Variants in GLI2 observed in about 807,000 individuals in gnomAD.
GLI2 encodes GLI family zinc finger 2.
Under a neutral mutation model 78.9 loss-of-function variants are expected in GLI2, and 22 were observed. That is an observed-to-expected ratio of 0.28 (90% CI 0.20 to 0.40). The LOEUF (loss-of-function observed/expected upper bound fraction) is 0.40. GLI2 is among the 10% of genes least tolerant of loss of function. The pLI is 1.00. For synonymous variants in GLI2, 974 were observed against 963.7 expected (o/e 1.01, Z -0.20); for missense variants, 2,097 against 2,213.2 (o/e 0.95, Z 1.05).
At chr2:120,873,557 G>C (rs1160202947) in intron 2 of GLI2, among the ~76,000 whole-genome samples, 1 of 152,232 alleles carries the variant, frequency 6.6e-6, no homozygotes, top group Non-Finnish European at 1.5e-5. Flanking sequence ...CAAGAGAGAA[G>C]AAGAGTGAAA....
At chr2:120,945,164 A>G (rs971227052) in intron 3 of GLI2, among the ~76,000 whole-genome samples, 2 of 152,254 alleles carry the variant, frequency 1.3e-5, no homozygotes, top group African/African-American at 4.8e-5. Flanking sequence ...AATCACAGTC[A>G]GCAGGCCAGA....
chr2:120,748,700 A>T (rs928365889), intron 1 of GLI2, among the ~76,000 whole-genome samples: 2 of 152,204 alleles, frequency 1.3e-5, no homozygotes, highest in African/African-American at 4.8e-5. Context: ...ATTGATCATC[A>T]GCTTTGCCTT....
rs755928574 is a variant in GLI2 at position 120,972,035 on chromosome 2, G to A, written c.1154G>A (p.Arg385Gln). 3 of 1,613,302 alleles carry A rather than the reference G, an allele frequency of 1.9e-6. No homozygotes were observed. The highest frequency in any genetic ancestry group is 1.1e-5 in the South Asian group (1 of 91,076). Reference sequence around the variant, plus strand: ...GTCAAGACCGAGCCTGAGGGCCTGCGGCCGGCCTCCCCTCTGGCGCTGACG... The same window carrying A: ...GTCAAGACCGAGCCTGAGGGCCTGCAGCCGGCCTCCCCTCTGGCGCTGACG... ...SKVKTEPEGL[R>Q]PASPLALTQE... The change falls in exon 8 of 14, where the codon CGG becomes CAG. Residue 385 changes from arginine to glutamine, a missense_variant. By Grantham distance (43) the Arg-to-Gln change is conservative. Around this residue, in one of 5 missense-constraint regions of GLI2, gnomAD observed 578 missense variants for 612.0 expected, o/e 0.94. Transcript: ENST00000361492.
chr2:120,973,879 G>A (rs1013251800), intron 8 of GLI2, among the ~76,000 whole-genome samples: 2 of 152,180 alleles, frequency 1.3e-5, no homozygotes, highest in Non-Finnish European at 1.5e-5. Context: ...AGGGCGTCCT[G>A]AGGCTAATTT....
In GLI2 at chr2:120,850,154, G is replaced by A. The variant is rs554998142; in HGVS notation, c.148+52686G>A. Among the ~76,000 whole-genome samples, 327 of 105,894 alleles carry A rather than the reference G, an allele frequency of 3.1e-3. 2 individuals carry two copies. Among genetic ancestry groups the A allele is most frequent in the African/African-American group, 0.013 (307 of 23,278 alleles). The allele number at this position is 105,894 out of a possible 152,430, so 69.5% of individuals were successfully genotyped here. ...CAAGAACAATACAAGAAAATTGCCT[G>A]GATCAGGACAAAAATCTTCACATTA... is the stretch of plus-strand genomic sequence containing the variant. On this transcript the variant is annotated intron_variant, in intron 2 of 13. Transcript: ENST00000361492.
intron 2 of GLI2, among the ~76,000 whole-genome samples, chr2:120,923,383 G>A (rs1679491283): frequency 6.6e-6 from 1 of 151,358 alleles, no homozygotes; most frequent in Non-Finnish European, 1.5e-5. Flanking sequence ...TATACACACA[G>A]CAACACATGC....
At chr2:120,769,950 G>C (rs1235396767) in intron 1 of GLI2, among the ~76,000 whole-genome samples, 2 of 152,148 alleles carry the variant, frequency 1.3e-5, no homozygotes, top group African/African-American at 2.4e-5. Context: ...GGTCCTGGCT[G>C]ACAAGTAGGT....
At chr2:120,836,106 C>T (rs1025294873) in intron 2 of GLI2, among the ~76,000 whole-genome samples, 4 of 152,190 alleles carry the variant, frequency 2.6e-5, no homozygotes, top group Non-Finnish European at 5.9e-5. Context: ...AGTCTGATCC[C>T]ATGGCCCCCC....
At chr2:120,801,701 G>C (rs1226877212) in intron 2 of GLI2, among the ~76,000 whole-genome samples, 1 of 152,214 alleles carries the variant, frequency 6.6e-6, no homozygotes, top group Non-Finnish European at 1.5e-5. Context: ...CATGAAGGGG[G>C]TGGGAGGCCC....
At chr2:120,771,776 A>G (rs1342256778) in intron 1 of GLI2, among the ~76,000 whole-genome samples, 2 of 152,190 alleles carry the variant, frequency 1.3e-5, no homozygotes, top group Admixed American at 1.3e-4. Context: ...CAGAGGGGCC[A>G]CTGGGCTTGC....
chr2:120,792,196 G>C (rs1684180795), intron 1 of GLI2: 1 of 152,230 alleles, frequency 6.6e-6, no homozygotes, highest in Non-Finnish European at 1.5e-5. Context: ...CGCTCATTCT[G>C]CTCTGATTAC....
intron 1 of GLI2, among the ~76,000 whole-genome samples, chr2:120,781,487 G>A (rs991743599): frequency 3.3e-5 from 5 of 152,194 alleles, no homozygotes; most frequent in East Asian, 1.9e-4. Context: ...CTTTCGCTTC[G>A]GGTCAGGAGT....
chr2:120,778,557 G>A (rs1471411788), intron 1 of GLI2, among the ~76,000 whole-genome samples: 1 of 152,220 alleles, frequency 6.6e-6, no homozygotes, highest in Non-Finnish European at 1.5e-5. Flanking sequence ...GGGCATCTGA[G>A]TGGCAGGCAG....
rs1005424345 is a variant in GLI2 at position 120,990,826 on chromosome 2, G to A, written c.*151G>A. On this transcript the variant is annotated 3_prime_UTR_variant, in exon 14 of 14. Coordinates refer to ENST00000361492, the MANE Select transcript of GLI2 (RefSeq NM_001374353.1). ...CCGCTTCAGATGACAGATGTTGTAAGAGAAGGTTTATGGGCATCCTCTCTG... is the reference window on the plus strand; with the variant it reads ...CCGCTTCAGATGACAGATGTTGTAAAAGAAGGTTTATGGGCATCCTCTCTG... 22 of 629,988 alleles carry A rather than the reference G, an allele frequency of 3.5e-5. No individual in the cohort carries two copies. Among genetic ancestry groups the A allele is most frequent in the Non-Finnish European group, 5.5e-5 (20 of 362,574 alleles). The allele number at this position is 629,988 out of a possible 1,614,324, so 39.0% of individuals were successfully genotyped here.
At chr2:120,938,921 C>T (rs1680320381) in intron 3 of GLI2, among the ~76,000 whole-genome samples, 1 of 147,708 alleles carries the variant, frequency 6.8e-6, no homozygotes, top group African/African-American at 2.5e-5. Context: ...AAACCAGAGA[C>T]TACTTCTACC....
At chr2:120,905,949 T>C (rs1428912592) in intron 2 of GLI2, among the ~76,000 whole-genome samples, 1 of 151,588 alleles carries the variant, frequency 6.6e-6, no homozygotes, top group Non-Finnish European at 1.5e-5. Flanking sequence ...TGCCCGTCGT[T>C]GGGCTCCGGT....
chr2:120,877,007 G>C (rs1688784047), intron 2 of GLI2, among the ~76,000 whole-genome samples: 1 of 152,236 alleles, frequency 6.6e-6, no homozygotes, highest in Non-Finnish European at 1.5e-5. Flanking sequence ...GTAGGCAGCA[G>C]TAAGTTGGAA....
At chr2:120,906,256 T>C (rs937914765) in intron 2 of GLI2, among the ~76,000 whole-genome samples, 2 of 152,126 alleles carry the variant, frequency 1.3e-5, no homozygotes, top group African/African-American at 4.8e-5. Context: ...CTCGAGTGGT[T>C]TCCCCTCTCC....
chr2:120,852,964 C>T (rs1047360270), intron 2 of GLI2, among the ~76,000 whole-genome samples: 1 of 152,118 alleles, frequency 6.6e-6, no homozygotes, highest in Admixed American at 6.5e-5. Flanking sequence ...AGAGAGTGGC[C>T]AGGAACAGAG....
Sources: allele counts gnomAD v4.1 joint callset (sites outside exome capture counted in the v4.1 genomes callset), GRCh38; gene constraint gnomAD v4.1.1; regional missense constraint gnomAD v4.1.1; transcripts MANE v1.5; gene names NCBI Gene and HGNC (gene_info 2026-07-23, HGNC 2026-07-21).